NTNG1: variants seen among roughly 807,000 people sequenced by gnomAD.
NTNG1 encodes the protein netrin G1.
Under a neutral mutation model 54.0 loss-of-function variants are expected in NTNG1, and 16 were observed. The observed-to-expected ratio is 0.30, with a 90% CI of 0.20 to 0.45. The LOEUF is 0.45. Among genes scored for constraint, NTNG1 ranks in the 20% least tolerant of loss-of-function variants. NTNG1 has a pLI of 1.00. For synonymous variants in NTNG1, 255 were observed against 263.1 expected (o/e 0.97, Z 0.30); for missense variants, 530 against 678.7 (o/e 0.78, Z 2.43).
At chr1:107,348,970 C>A (rs1324136901) in intron 3 of NTNG1, among the ~76,000 whole-genome samples, 1 of 152,166 alleles carries the variant, frequency 6.6e-6, no homozygotes, top group East Asian at 1.9e-4. Flanking sequence ...CTTTTAAATG[C>A]ATTTCAGATA....
Position 107,148,592 on chromosome 1 carries a change from A to G in NTNG1, c.-2A>G. 6.2e-7 allele frequency: 1 copy of G among 1,612,860 alleles called. No individual in the cohort carries two copies. The highest frequency in any genetic ancestry group is 8.5e-7 in the Non-Finnish European group (1 of 1,179,092). ...TCCAAGAAGATTACAAAGAATTTAG[A>G]GATGTATTTGTCAAGATTCCTGTCG... On this transcript the variant is annotated 5_prime_UTR_variant, in exon 2 of 8. Coordinates refer to ENST00000370068, the MANE Select transcript of NTNG1 (RefSeq NM_001113226.3).
chr1:107,353,521 T>G (rs778876918), intron 3 of NTNG1, among the ~76,000 whole-genome samples: 5 of 152,148 alleles, frequency 3.3e-5, no homozygotes, highest in Non-Finnish European at 7.3e-5. Context: ...ACTATTCACA[T>G]TTTTGTCACA....
Position 107,357,691 on chromosome 1 carries a change from A to G in NTNG1, c.887+32769A>G, listed in dbSNP as rs147080352. Among the ~76,000 whole-genome samples the G allele has an allele frequency of 4.6e-4, 69 of 151,332 alleles. No individual in the cohort carries two copies. In the East Asian group the frequency reaches 0.013, roughly 28 times the overall value. On this transcript the variant is annotated intron_variant, in intron 3 of 7. Transcript: ENST00000370068. The stretch of plus-strand genomic sequence containing the variant: ...AACTGGAAAAAAATTATTTTTTGAC[A>G]TAAAATTGTAAATATTTTTTTTTCA...
chr1:107,184,170 C>G (rs1368317117), intron 2 of NTNG1, among the ~76,000 whole-genome samples: 1 of 152,128 alleles, frequency 6.6e-6, no homozygotes, highest in African/African-American at 2.4e-5. Flanking sequence ...ATGCCTGGTA[C>G]TGATGAGGCT....
intron 3 of NTNG1, among the ~76,000 whole-genome samples, chr1:107,392,452 A>G (rs1315822777): frequency 1.3e-5 from 2 of 152,100 alleles, no homozygotes; most frequent in Non-Finnish European, 2.9e-5. Flanking sequence ...CAGAACCCAG[A>G]GAACAGCATG....
intron 2 of NTNG1, among the ~76,000 whole-genome samples, chr1:107,221,931 C>T (rs1660373824): frequency 6.6e-6 from 1 of 152,198 alleles, no homozygotes; most frequent in East Asian, 1.9e-4. Context: ...TCATTTCCAA[C>T]CTTTCCTTCC....
intron 5 of NTNG1, among the ~76,000 whole-genome samples, chr1:107,411,276 T>A (rs1359896250): frequency 6.6e-6 from 1 of 152,186 alleles, no homozygotes; most frequent in East Asian, 1.9e-4. Flanking sequence ...AAGCAGTGTC[T>A]TCATCACAGA....
rs992841015 is a variant in NTNG1 at position 107,360,740 on chromosome 1, T to A, written c.888-34414T>A. ...GAAAGCATTTAAGTAGCAACTAATATGTGCACATCCTATGCTAAGCCCTGT... is the reference window on the plus strand; with the variant it reads ...GAAAGCATTTAAGTAGCAACTAATAAGTGCACATCCTATGCTAAGCCCTGT... On this transcript the variant is annotated intron_variant, in intron 3 of 7. Transcript: ENST00000370068. Among the ~76,000 whole-genome samples, 7 of 152,318 alleles carry A rather than the reference T, an allele frequency of 4.6e-5. 1 individual carries two copies. The highest frequency in any genetic ancestry group is 2.1e-4 in the South Asian group (1 of 4,828).
intron 7 of NTNG1, among the ~76,000 whole-genome samples, chr1:107,475,933 T>C (rs995536078): frequency 9.9e-5 from 15 of 152,200 alleles, no homozygotes; most frequent in Admixed American, 2.0e-4. Flanking sequence ...CATCCAGCGT[T>C]GAGAACCACT....
At chr1:107,303,218 A>G (rs4351675) in intron 2 of NTNG1, among the ~76,000 whole-genome samples, 1,978 of 152,354 alleles carry the variant, frequency 0.013, 48 homozygotes, top group African/African-American at 0.045. Flanking sequence ...CAATGCATTC[A>G]GGACAAGCAG....
intron 2 of NTNG1, among the ~76,000 whole-genome samples, chr1:107,217,205 C>G (rs1187555708): frequency 6.6e-6 from 1 of 152,094 alleles, no homozygotes; most frequent in Non-Finnish European, 1.5e-5. Context: ...TTATCCATCT[C>G]CTCTAGGTTT....
rs373253216 is a variant in NTNG1, at chr1:107,305,096, A to G, written c.247-19186A>G. 1.3e-3 allele frequency among the ~76,000 whole-genome samples: 197 copies of G among 152,228 alleles called. 1 individual carries two copies. Among genetic ancestry groups the G allele is most frequent in the African/African-American group, 4.6e-3 (191 of 41,530 alleles). On this transcript the variant is annotated intron_variant, in intron 2 of 7. Coordinates refer to ENST00000370068, the MANE Select transcript of NTNG1 (RefSeq NM_001113226.3). ...TTTTTTTATGGCTGCATAGTATTCCATGGTGTGTATGTGCCATATTTTCTT... is the reference window on the plus strand; with the variant it reads ...TTTTTTTATGGCTGCATAGTATTCCGTGGTGTGTATGTGCCATATTTTCTT...
intron 6 of NTNG1, among the ~76,000 whole-genome samples, chr1:107,432,563 C>A (rs993658257): frequency 2.0e-4 from 30 of 152,024 alleles, no homozygotes; most frequent in African/African-American, 6.5e-4. Context: ...TTAATGAAAA[C>A]CAAAAGACAT....
At chr1:107,438,454 A>G (rs1176165872) in intron 7 of NTNG1, among the ~76,000 whole-genome samples, 1 of 152,176 alleles carries the variant, frequency 6.6e-6, no homozygotes, top group Non-Finnish European at 1.5e-5. Flanking sequence ...AACCATGTGA[A>G]GTGTCAGGGC....
At chr1:107,443,684 T>C (rs1558004475) in intron 7 of NTNG1, among the ~76,000 whole-genome samples, 1 of 152,196 alleles carries the variant, frequency 6.6e-6, no homozygotes. Context: ...TCTGTGATGC[T>C]GCAGAGCATC....
intron 7 of NTNG1, among the ~76,000 whole-genome samples, chr1:107,479,479 C>A (rs1678553189): frequency 7.0e-6 from 1 of 142,200 alleles, no homozygotes; most frequent in Non-Finnish European, 1.5e-5. Flanking sequence ...TTCACCATGA[C>A]ATTTTTAAAA....
At chr1:107,405,133 G>T (rs1673326798) in intron 4 of NTNG1, among the ~76,000 whole-genome samples, 1 of 152,048 alleles carries the variant, frequency 6.6e-6, no homozygotes, top group Non-Finnish European at 1.5e-5. Flanking sequence ...CTTTCTAGTG[G>T]ATTTATGAGT....
chr1:107,477,094 T>G (rs1159019824), intron 7 of NTNG1, among the ~76,000 whole-genome samples: 1 of 151,924 alleles, frequency 6.6e-6, no homozygotes, highest in African/African-American at 2.4e-5. Flanking sequence ...GAGGATTGAG[T>G]TATCAGAAAG....
chr1:107,310,591 G>A (rs1479931389), intron 2 of NTNG1, among the ~76,000 whole-genome samples: 1 of 152,072 alleles, frequency 6.6e-6, no homozygotes, highest in African/African-American at 2.4e-5. Flanking sequence ...AAATATACTT[G>A]TATTTTAATG....
Sources: allele counts gnomAD v4.1 joint callset (sites outside exome capture counted in the v4.1 genomes callset), GRCh38; gene constraint gnomAD v4.1.1; transcripts MANE v1.5; gene names NCBI Gene and HGNC (gene_info 2026-07-23, HGNC 2026-07-21).